CNTN3: variants seen among roughly 807,000 people sequenced by gnomAD.
CNTN3 encodes contactin 3.
In CNTN3, 60 loss-of-function variants were observed where a neutral mutation model predicts 119.1. The observed-to-expected ratio is 0.50, with a 90% CI of 0.41 to 0.62. The LOEUF is 0.62. CNTN3 is among the 20% of genes least tolerant of loss of function. The probability of loss-of-function intolerance (pLI) is 0.00; values close to 1 mark genes in which losing one functional copy is unlikely to be tolerated. For missense variants in CNTN3, 1,101 were observed against 1,242.4 expected, an observed-to-expected ratio of 0.89 and a Z score of 1.71; for synonymous variants, 450 against 438.7, an observed-to-expected ratio of 1.03 and a Z score of -0.32.
intron 20 of CNTN3, among the ~76,000 whole-genome samples, chr3:74,275,288 A>AC (rs1235217761): frequency 1.3e-5 from 2 of 152,196 alleles, no homozygotes; most frequent in Admixed American, 6.5e-5. Flanking sequence ...AAATACAAGA[A>AC]CCAGAAACAA....
At position 74,332,852 on chromosome 3, in the gene CNTN3, G is replaced by A. The variant is rs772883258; in HGVS notation, c.1668+1883C>T. On this transcript the variant is annotated intron_variant, in intron 13 of 22. Transcript: ENST00000263665. ...TAAAAGTAGTAGAAGAGCTGGATTA[G>A]AGAAGCCTTTCCCAGATTGGGTAAA... Among the ~76,000 whole-genome samples the A allele has an allele frequency of 8.5e-5, 13 of 152,346 alleles. No individual in the cohort carries two copies. The Middle Eastern group carries it at 0.01, about 120-fold the overall frequency.
At chr3:74,407,201 TAGAA>T (rs1701338860) in intron 5 of CNTN3, among the ~76,000 whole-genome samples, 1 of 151,442 alleles carries the variant, frequency 6.6e-6, no homozygotes, top group Non-Finnish European at 1.5e-5. Flanking sequence ...GTGTGGGTGC[TAGAA>T]GCATTACAAT....
In CNTN3 at chr3:74,567,611, G is replaced by A. The variant is rs192476750; in HGVS notation, c.-80-46419C>T. Among the ~76,000 whole-genome samples the A allele has an allele frequency of 2.0e-5, 3 of 152,156 alleles. No individual in the cohort carries two copies. In the East Asian group the frequency reaches 5.8e-4, roughly 30 times the overall value. On this transcript the variant is annotated intron_variant, in intron 1 of 22. Coordinates refer to ENST00000263665, the MANE Select transcript of CNTN3 (RefSeq NM_020872.3). ...ATACCTACAGATTTGCTACTAGGGAGCAGGGGGCACTTGCATATCCTCCAA... is the reference window on the plus strand; with the variant it reads ...ATACCTACAGATTTGCTACTAGGGAACAGGGGGCACTTGCATATCCTCCAA...
intron 22 of CNTN3, among the ~76,000 whole-genome samples, chr3:74,265,098 T>G (rs1701641221): frequency 6.6e-6 from 1 of 152,124 alleles, no homozygotes; most frequent in Non-Finnish European, 1.5e-5. Flanking sequence ...TGGGTAAGGG[T>G]TTGAAGGGTC....
intron 4 of CNTN3, among the ~76,000 whole-genome samples, chr3:74,433,464 TAA>T (rs765352118): frequency 3.3e-5 from 5 of 152,214 alleles, no homozygotes; most frequent in Non-Finnish European, 7.3e-5. Context: ...CGTATTTTTC[TAA>T]CACTATTTAG....
chr3:74,365,826 G>T, intron 8 of CNTN3, 124 bp from the exon 9 acceptor site: 2 of 1,081,954 alleles, frequency 1.8e-6, no homozygotes, highest in Non-Finnish European at 2.6e-6. Context: ...ACAGATTGAA[G>T]TGAGAACAGA....
intron 1 of CNTN3, among the ~76,000 whole-genome samples, chr3:74,612,249 T>C (rs1037534636): frequency 6.6e-6 from 1 of 152,168 alleles, no homozygotes; most frequent in African/African-American, 2.4e-5. Context: ...TATTAGTTTG[T>C]AATAACTGGG....
At chr3:74,462,000 T>C (rs1368442021) in intron 4 of CNTN3, among the ~76,000 whole-genome samples, 1 of 151,984 alleles carries the variant, frequency 6.6e-6, no homozygotes, top group Non-Finnish European at 1.5e-5. Context: ...CTGGTGGGAG[T>C]TGACTATATT....
chr3:74,387,262 A>C (rs1704774659), intron 5 of CNTN3, among the ~76,000 whole-genome samples: 1 of 152,206 alleles, frequency 6.6e-6, no homozygotes, highest in Non-Finnish European at 1.5e-5. Context: ...GGAACATGGC[A>C]AGAATAAACC....
intron 4 of CNTN3, among the ~76,000 whole-genome samples, chr3:74,474,765 A>T (rs1388881201): frequency 6.6e-6 from 1 of 152,034 alleles, no homozygotes; most frequent in Admixed American, 6.6e-5. Flanking sequence ...GCCTGGTGGG[A>T]GGTGATTAGA....
chr3:74,611,408 C>T (rs757079222), intron 1 of CNTN3, among the ~76,000 whole-genome samples: 8 of 152,062 alleles, frequency 5.3e-5, no homozygotes, highest in African/African-American at 1.2e-4. Flanking sequence ...ACTTGGCATA[C>T]AAAGTTTCAA....
chr3:74,547,298 T>C (rs1404029708), intron 1 of CNTN3, among the ~76,000 whole-genome samples: 4 of 152,214 alleles, frequency 2.6e-5, no homozygotes, highest in African/African-American at 9.6e-5. Context: ...ACTTCATTTT[T>C]AATGATTACC....
intron 1 of CNTN3, among the ~76,000 whole-genome samples, chr3:74,588,942 T>C (rs540146871): frequency 6.6e-6 from 1 of 152,230 alleles, no homozygotes; most frequent in African/African-American, 2.4e-5. Context: ...TTACACCTTA[T>C]ACAAAAACTA....
intron 1 of CNTN3, among the ~76,000 whole-genome samples, chr3:74,582,506 A>C (rs1332256588): frequency 1.3e-5 from 2 of 152,218 alleles, no homozygotes; most frequent in African/African-American, 4.8e-5. Context: ...AATAATGAAA[A>C]GATTAAAAGC....
chr3:74,506,417 C>T lies in CNTN3; in HGVS notation c.56-6632G>A, dbSNP rs192835322. 5.0e-3 allele frequency among the ~76,000 whole-genome samples: 757 copies of T among 152,120 alleles called. 5 individuals carry two copies. Among genetic ancestry groups the T allele is most frequent in the Non-Finnish European group, 5.0e-3 (341 of 67,974 alleles). ...TGAAAGGGTTAATTTATAGTTATAG[C>T]GCAGGACATAATGTTTTTGGCAGAA... is the stretch of plus-strand genomic sequence containing the variant. On this transcript the variant is annotated intron_variant, in intron 2 of 22. Coordinates refer to ENST00000263665, the MANE Select transcript of CNTN3 (RefSeq NM_020872.3).
Position 74,369,924 on chromosome 3 carries a change from A to C in CNTN3, c.726T>G (p.Gly242=). The C allele has an allele frequency of 1.9e-6, 3 of 1,608,852 alleles. No individual in the cohort carries two copies. The highest frequency in any genetic ancestry group is 1.7e-6 in the Non-Finnish European group (2 of 1,176,842). The change falls in exon 7 of 23, where the codon GGT becomes GGG. Residue 242 remains glycine (G), a synonymous_variant. Transcript: ENST00000263665. ...CAAAACATTCCAATTTCACAGTCGA[A>C]CCTTTAGCTGCTGGAAGAGTTTCTG... ...QFPETLPAAK[G]STVKLECFAL...
chr3:74,300,072 T>A, intron 16 of CNTN3, 134 bp from the exon 17 acceptor site: 1 of 474,344 alleles, frequency 2.1e-6, no homozygotes, highest in African/African-American at 2.0e-5. Context: ...TGGGTGTTTA[T>A]GTACATATAC....
chr3:74,295,110 A>G lies in CNTN3; in HGVS notation c.2517+11T>C, dbSNP rs777700330. 55 of 1,552,046 alleles carry G rather than the reference A, an allele frequency of 3.5e-5. No homozygotes were observed. Among genetic ancestry groups the G allele is most frequent in the Non-Finnish European group, 4.7e-5 (53 of 1,124,668 alleles). ...AACACACATACACAATTTAATCGGA[A>G]AAGAAATTACCTCATAGCCCAGTAA... On this transcript the variant is annotated intron_variant, in intron 19 of 22. Transcript: ENST00000263665.
chr3:74,444,558 AT>A (rs10718040), intron 4 of CNTN3, among the ~76,000 whole-genome samples: 36,456 of 151,268 alleles, frequency 0.24, 4,797 homozygotes, highest in Non-Finnish European at 0.31. Context: ...TCATGACATA[AT>A]TTTTTTTTAA....
Sources: gnomAD v4.1 joint callset for allele counts (sites outside exome capture counted in the v4.1 genomes callset) on GRCh38, gnomAD v4.1.1 for gene constraint, MANE v1.5 for transcripts, NCBI Gene and HGNC (gene_info 2026-07-23, HGNC 2026-07-21) for gene names.